Variants in ARFGEF2 observed in about 807,000 individuals in gnomAD.
ARFGEF2 encodes ARF guanine nucleotide exchange factor 2.
Under a neutral mutation model 219.9 loss-of-function variants are expected in ARFGEF2, and 74 were observed. That is an observed-to-expected ratio of 0.34 (90% CI 0.28 to 0.41). The LOEUF (loss-of-function observed/expected upper bound fraction) is 0.41, where lower values mean the gene tolerates loss of function less well. Ranked by LOEUF, ARFGEF2 falls within the 10% of genes least tolerant of loss-of-function variation. ARFGEF2 has a pLI of 1.00. For missense variants in ARFGEF2, 1,743 were observed against 2,218.3 expected, an observed-to-expected ratio of 0.79 and a Z score of 4.30; for synonymous variants, 733 against 799.2, an observed-to-expected ratio of 0.92 and a Z score of 1.40.
In ARFGEF2 at chr20:49,005,308, T is replaced by C. The variant is rs2091451006; in HGVS notation, c.3584+87T>C. On this transcript the variant is annotated intron_variant, in intron 26 of 38. Transcript: ENST00000371917. ...CCTAACACTAACCACATGATTAATTTTTTTCCTCCCTTGTCAGTGGAAACA... is the reference window on the plus strand; with the variant it reads ...CCTAACACTAACCACATGATTAATTCTTTTCCTCCCTTGTCAGTGGAAACA... 3 of 1,536,864 alleles carry C rather than the reference T, an allele frequency of 2.0e-6. No individual in the cohort carries two copies. The Admixed American group carries it at 5.1e-5, about 26-fold the overall frequency.
chr20:48,927,936 G>T (rs901026830), intron 1 of ARFGEF2, among the ~76,000 whole-genome samples: 1 of 152,044 alleles, frequency 6.6e-6, no homozygotes, highest in African/African-American at 2.4e-5. Flanking sequence ...TCAAAAAACT[G>T]GATTGTTCTT....
At chr20:49,028,964 A>G (rs967121552) in intron 37 of ARFGEF2, among the ~76,000 whole-genome samples, 1 of 152,232 alleles carries the variant, frequency 6.6e-6, no homozygotes, top group African/African-American at 2.4e-5. Flanking sequence ...GCTGGATGGA[A>G]GTCCTGACTG....
chr20:48,985,880 A>G (rs1019704893), intron 16 of ARFGEF2, among the ~76,000 whole-genome samples: 1 of 152,250 alleles, frequency 6.6e-6, no homozygotes, highest in African/African-American at 2.4e-5. Flanking sequence ...GCTGTTAGCA[A>G]CTATAAAAGA....
chr20:48,932,588 G>A (rs2090920107), intron 1 of ARFGEF2, among the ~76,000 whole-genome samples: 1 of 152,202 alleles, frequency 6.6e-6, no homozygotes, highest in African/African-American at 2.4e-5. Flanking sequence ...AGAGAGTCCA[G>A]GCTATTGATT....
rs576859819 is a variant in ARFGEF2 at position 48,996,316 on chromosome 20, G to A, written c.3221+434G>A. 7.9e-5 allele frequency among the ~76,000 whole-genome samples: 12 copies of A among 151,920 alleles called. 1 individual carries two copies. The highest frequency in any genetic ancestry group is 2.2e-4 in the African/African-American group (9 of 41,424). On this transcript the variant is annotated intron_variant, in intron 23 of 38. Transcript: ENST00000371917. ...AAAAAATACAAAAAATTAGTCAGGC[G>A]TGGTGGTGGGCACCTGTAGTCCCAG...
intron 1 of ARFGEF2, among the ~76,000 whole-genome samples, chr20:48,936,043 C>A (rs2090950853): frequency 6.9e-6 from 1 of 145,110 alleles, no homozygotes; most frequent in Non-Finnish European, 1.5e-5. Flanking sequence ...GCGCCCCTCA[C>A]TTCCCGCATG....
At chr20:49,032,692 A>G (rs2091643660) in intron 38 of ARFGEF2, among the ~76,000 whole-genome samples, 3 of 151,876 alleles carry the variant, frequency 2.0e-5, no homozygotes, top group Admixed American at 6.6e-5. Flanking sequence ...CCCAGGCTCA[A>G]GCGATCCTCC....
At chr20:48,950,811 A>AAAAATATATATAT (rs1176537072) in intron 3 of ARFGEF2, among the ~76,000 whole-genome samples, 1 of 64,482 alleles carries the variant, frequency 1.6e-5, no homozygotes, top group Non-Finnish European at 2.6e-5. Context: ...AAAAAAAAAA[A>AAAAATATATATAT]ATATATATAT....
chr20:49,035,790 G>A lies in ARFGEF2; in HGVS notation c.*2591G>A, dbSNP rs539966221. ...TTGAGCAATTTTGTTTCTCTTCATT[G>A]TCTGTTAGGGAAATCACCAGCTTTG... On this transcript the variant is annotated 3_prime_UTR_variant, in exon 39 of 39. Coordinates refer to ENST00000371917, the MANE Select transcript of ARFGEF2 (RefSeq NM_006420.3). 3.6e-5 allele frequency: 6 copies of A among 165,186 alleles called. No homozygotes were observed. In the South Asian group the frequency reaches 1.2e-3, roughly 34 times the overall value. The allele number at this position is 165,186 out of a possible 1,614,324, so 10.2% of individuals were successfully genotyped here. A position where few individuals can be genotyped will look rare whatever the true frequency, so the allele number is the denominator to read the frequency against.
intron 1 of ARFGEF2, among the ~76,000 whole-genome samples, chr20:48,935,382 A>C (rs1352417736): frequency 1.3e-5 from 2 of 152,106 alleles, no homozygotes; most frequent in African/African-American, 4.8e-5. Context: ...TGGATACAGC[A>C]CATGTTTCAG....
intron 1 of ARFGEF2, among the ~76,000 whole-genome samples, chr20:48,931,571 T>C (rs1010578423): frequency 8.0e-5 from 12 of 149,970 alleles, no homozygotes; most frequent in Middle Eastern, 3.5e-3. Context: ...AGATACAGGG[T>C]GACAAGGGGG....
At chr20:48,967,810 A>G (rs763922516) in intron 8 of ARFGEF2, among the ~76,000 whole-genome samples, 36 of 152,194 alleles carry the variant, frequency 2.4e-4, no homozygotes, top group Non-Finnish European at 4.7e-4. Context: ...CTAGTCTGAT[A>G]GGAGAAAGCT....
intron 3 of ARFGEF2, among the ~76,000 whole-genome samples, chr20:48,942,473 G>GTTTTT (rs58144046): frequency 5.4e-5 from 4 of 73,498 alleles, no homozygotes; most frequent in Non-Finnish European, 7.2e-5. Flanking sequence ...TTCTTACTTG[G>GTTTTT]TTTTTTTTTT....
chr20:49,001,594 C>T (rs181556991), intron 25 of ARFGEF2, among the ~76,000 whole-genome samples: 1 of 152,126 alleles, frequency 6.6e-6, no homozygotes, highest in Non-Finnish European at 1.5e-5. Flanking sequence ...ATCTGTTTTA[C>T]CTGGATATTT....
chr20:48,989,314 C>T lies in ARFGEF2; in HGVS notation c.2563C>T (p.Leu855=). The T allele has an allele frequency of 2.5e-6, 4 of 1,614,158 alleles. No homozygotes were observed. Among genetic ancestry groups the T allele is most frequent in the Non-Finnish European group, 3.4e-6 (4 of 1,180,002 alleles). The change falls in exon 19 of 39, where the codon CTG becomes TTG. Residue 855 remains leucine, a synonymous_variant. Transcript: ENST00000371917. Reference sequence around the variant, plus strand: ...AGCTAGTGAAAAGCAGCGGCGGCTGCTGTACAACTTAGAGATGGAGCAAAT... The same window carrying T: ...AGCTAGTGAAAAGCAGCGGCGGCTGTTGTACAACTTAGAGATGGAGCAAAT... ...NVASEKQRRL[L]YNLEMEQMAK... is the part of the protein sequence containing the mutation.
At chr20:49,019,039 T>C in intron 34 of ARFGEF2, 41 bp downstream of exon 34, 2 of 1,496,758 alleles carry the variant, frequency 1.3e-6, no homozygotes, top group Non-Finnish European at 1.8e-6. Flanking sequence ...AGTAACATGT[T>C]TATGTGATTC....
rs979123468 is a variant in ARFGEF2, at chr20:49,033,935, A to G, written c.*736A>G. Reference sequence around the variant, plus strand: ...AAAAGTCTACACGAAAAAGTGAACAATTTAATGAAGATGATTAGCCTTCCT... The same window carrying G: ...AAAAGTCTACACGAAAAAGTGAACAGTTTAATGAAGATGATTAGCCTTCCT... On this transcript the variant is annotated 3_prime_UTR_variant, in exon 39 of 39. Transcript: ENST00000371917. The G allele has an allele frequency of 6.6e-6, 1 of 152,272 alleles. No individual in the cohort carries two copies. The highest frequency in any genetic ancestry group is 2.4e-5 in the African/African-American group (1 of 41,464). 9.4% of individuals were successfully genotyped at this position (152,272 alleles called of 1,614,324 possible). A position where few individuals can be genotyped will look rare whatever the true frequency, so the allele number is the denominator to read the frequency against.
chr20:48,938,236 T>C (rs1394661414), intron 1 of ARFGEF2, among the ~76,000 whole-genome samples: 3 of 152,204 alleles, frequency 2.0e-5, no homozygotes, highest in East Asian at 1.9e-4. Context: ...ATTTCGCTTA[T>C]AGAAAACTTG....
At chr20:48,983,960 T>C (rs2091311375) in intron 14 of ARFGEF2, among the ~76,000 whole-genome samples, 1 of 151,456 alleles carries the variant, frequency 6.6e-6, no homozygotes, top group South Asian at 2.1e-4. Flanking sequence ...ATGCCCGTTA[T>C]CCCAGCACGT....
Sources: allele counts gnomAD v4.1 joint callset (sites outside exome capture counted in the v4.1 genomes callset), GRCh38; gene constraint gnomAD v4.1.1; transcripts MANE v1.5; gene names NCBI Gene and HGNC (gene_info 2026-07-23, HGNC 2026-07-21).